CFHR5: variants seen among roughly 807,000 people sequenced by gnomAD.
CFHR5 encodes the protein complement factor H-related protein 5.
CFHR5 carries 73 observed loss-of-function variants against 62.9 expected under a neutral mutation model. That is an observed-to-expected ratio of 1.16 (90% CI 0.96 to 1.41). The LOEUF (loss-of-function observed/expected upper bound fraction) is 1.41. Among genes scored for constraint, CFHR5 ranks in the 40% most tolerant of loss-of-function variants. The pLI, the probability that CFHR5 is intolerant of heterozygous loss-of-function variation, is 0.00. For synonymous variants in CFHR5, 249 were observed against 227.2 expected, an observed-to-expected ratio of 1.10 and a Z score of -0.86; for missense variants, 779 against 679.9, an observed-to-expected ratio of 1.15 and a Z score of -1.62.
chr1:196,994,120 T>A lies in CFHR5; in HGVS notation c.471T>A (p.Asp157Glu), dbSNP rs1181240256. The A allele has an allele frequency of 1.2e-6, 2 of 1,613,336 alleles. No individual in the cohort carries two copies. The highest frequency in any genetic ancestry group is 2.7e-5 in the African/African-American group (2 of 74,854). Residue 157 changes from aspartate (D) to glutamate (E), a missense_variant, in exon 4 of 10, where the codon GAT (aspartate) becomes GAA (glutamate). Physicochemically the swap from Asp to Glu is conservative, Grantham distance 45 (BLOSUM62 2). Transcript: ENST00000256785. ...TTCCAATTTTAGAAGCCAATGTAGA[T>A]GCTCAGCCAAAAAAAGAAAGCTACA... ...CHVPILEANVDAQPKKESYKV... is the reference protein window; with the variant it reads ...CHVPILEANVEAQPKKESYKV...
chr1:196,975,918 C>A (rs1199346569), upstream of CFHR5, among the ~76,000 whole-genome samples: 1 of 151,940 alleles, frequency 6.6e-6, no homozygotes, highest in African/African-American at 2.4e-5. Context: ...AAGGGACTGA[C>A]TGACAGTGAT....
intron 7 of CFHR5, among the ~76,000 whole-genome samples, chr1:196,999,066 G>A (rs1347008813): frequency 6.6e-6 from 1 of 151,830 alleles, no homozygotes; most frequent in Non-Finnish European, 1.5e-5. Flanking sequence ...AGGAAGGATA[G>A]GAGTTTACAC....
intron 9 of CFHR5, among the ~76,000 whole-genome samples, chr1:197,005,581 C>A (rs945817970): frequency 6.6e-6 from 1 of 151,976 alleles, no homozygotes; most frequent in Non-Finnish European, 1.5e-5. Context: ...AGATATGGGG[C>A]GAATTAATAA....
In CFHR5 at chr1:196,998,298, T is replaced by C. The variant is rs777962172; in HGVS notation, c.1141T>C (p.Cys381Arg). 5.6e-6 allele frequency: 9 copies of C among 1,610,340 alleles called. No individual in the cohort carries two copies. The South Asian group carries it at 9.9e-5, about 18-fold the overall frequency. ...CGGGAAATGGAATCCTGAAGTAGACTGCACAGGTAAGATTTGTTTAAAACA... is the reference window on the plus strand; with the variant it reads ...CGGGAAATGGAATCCTGAAGTAGACCGCACAGGTAAGATTTGTTTAAAACA... Reference protein sequence around the residue: ...INGKWNPEVDCTEKREQFCPP... With the variant: ...INGKWNPEVDRTEKREQFCPP... Residue 381 changes from cysteine to arginine, a missense_variant, in exon 7 of 10, where the codon TGC (cysteine) becomes CGC (arginine). Coordinates refer to ENST00000256785, the MANE Select transcript of CFHR5 (RefSeq NM_030787.4).
Position 196,978,829 on chromosome 1 carries a change from G to A in CFHR5, c.58+1107G>A, listed in dbSNP as rs553140547. On this transcript the variant is annotated intron_variant, in intron 1 of 9. Coordinates refer to ENST00000256785, the MANE Select transcript of CFHR5 (RefSeq NM_030787.4). ...ATTACACAAGGATTTCTAAAGGGGG[G>A]TGGAAGCAGAGGAAGATAAGTGAAA... Among the ~76,000 whole-genome samples the A allele has an allele frequency of 2.0e-5, 3 of 152,240 alleles. No individual in the cohort carries two copies. The East Asian group carries it at 5.8e-4, about 29-fold the overall frequency.
chr1:196,999,716 T>TAC (rs1654086841), intron 7 of CFHR5, among the ~76,000 whole-genome samples: 2 of 49,276 alleles, frequency 4.1e-5, no homozygotes, highest in African/African-American at 9.7e-5. Context: ...TATATATATA[T>TAC]ATATATACAC....
chr1:196,984,112 C>T lies in CFHR5; in HGVS notation c.405C>T (p.Ser135=). Residue 135 remains serine (S), a synonymous_variant, in exon 3 of 10, where the codon TCC becomes TCT. Coordinates refer to ENST00000256785, the MANE Select transcript of CFHR5 (RefSeq NM_030787.4). ...TTTCGTGTGTAGAACGGGGCTGGTC[C>T]ACTCCTCCCATATGCAGCTTCACTA... The part of the protein sequence containing the change: ...KNISCVERGW[S]TPPICSFTKG... 1.2e-6 allele frequency: 2 copies of T among 1,613,474 alleles called. No homozygotes were observed. The highest frequency in any genetic ancestry group is 1.7e-6 in the Non-Finnish European group (2 of 1,179,688).
At position 196,984,107 on chromosome 1, in the gene CFHR5, T is replaced by C. The variant is rs1653618811; in HGVS notation, c.400T>C (p.Trp134Arg). The C allele has an allele frequency of 1.2e-6, 2 of 1,612,396 alleles. No individual in the cohort carries two copies. The highest frequency in any genetic ancestry group is 2.7e-5 in the African/African-American group (2 of 74,468). Residue 134 changes from tryptophan (W) to arginine (R), a missense_variant, in exon 3 of 10, where the codon TGG becomes CGG. By Grantham distance (101) the Trp-to-Arg change is moderately radical. Coordinates refer to ENST00000256785, the MANE Select transcript of CFHR5 (RefSeq NM_030787.4). ...EKNISCVERG[W>R]STPPICSFTK... Reference sequence around the variant, plus strand: ...AAACATTTCGTGTGTAGAACGGGGCTGGTCCACTCCTCCCATATGCAGCTT... The same window carrying C: ...AAACATTTCGTGTGTAGAACGGGGCCGGTCCACTCCTCCCATATGCAGCTT...
At chr1:196,995,922 A>G (rs953461463) in intron 5 of CFHR5, 23 bp downstream of exon 5, 2 of 1,602,926 alleles carry the variant, frequency 1.2e-6, no homozygotes, top group Non-Finnish European at 8.5e-7. Context: ...TAACATTTAA[A>G]CAGGACAGTT....
At chr1:196,976,799 C>CTTTTTTTTTTTTTTTTTTTTTTTT (rs10588279), upstream of CFHR5, among the ~76,000 whole-genome samples, 3 of 98,156 alleles carry the variant, frequency 3.1e-5, no homozygotes, top group African/African-American at 1.4e-4. Flanking sequence ...AAAAATTATT[C>CTTTTTTTTTTTTTTTTTTTTTTTT]TTTTTTTTTT....
chr1:196,983,170 G>T, intron 2 of CFHR5, 91 bp downstream of exon 2: 3 of 1,558,352 alleles, frequency 1.9e-6, no homozygotes, highest in Non-Finnish European at 2.6e-6. Context: ...ATAATCACAA[G>T]GGCAATGACC....
At chr1:196,995,953 T>C (rs1653979759) in intron 5 of CFHR5, 54 bp downstream of exon 5, 2 of 1,593,580 alleles carry the variant, frequency 1.3e-6, no homozygotes, top group African/African-American at 2.7e-5. Context: ...TGCACTTATA[T>C]ATAAATACAC....
At chr1:196,978,237 A>G (rs529964298) in intron 1 of CFHR5, among the ~76,000 whole-genome samples, 4 of 152,146 alleles carry the variant, frequency 2.6e-5, no homozygotes, top group Non-Finnish European at 5.9e-5. Context: ...TTATTTTTAT[A>G]TATAAACCAG....
chr1:196,999,938 C>G (rs1174019515), intron 7 of CFHR5, among the ~76,000 whole-genome samples: 1 of 150,626 alleles, frequency 6.6e-6, no homozygotes, highest in Non-Finnish European at 1.5e-5. Context: ...GAAATAGAAC[C>G]TTGTATTTCC....
intron 9 of CFHR5, among the ~76,000 whole-genome samples, chr1:197,006,816 G>T (rs1654300716): frequency 6.6e-6 from 1 of 151,898 alleles, no homozygotes; most frequent in Admixed American, 6.6e-5. Flanking sequence ...TTTAATAGCA[G>T]TTTTTTGACA....
intron 3 of CFHR5, among the ~76,000 whole-genome samples, chr1:196,992,254 C>CTG (rs1653865869): frequency 6.6e-6 from 1 of 152,132 alleles, no homozygotes; most frequent in East Asian, 1.9e-4. Context: ...ACTAAGACCA[C>CTG]TGGAAAAGTG....
intron 9 of CFHR5, among the ~76,000 whole-genome samples, chr1:197,006,648 G>A (rs1264952261): frequency 6.6e-6 from 1 of 150,736 alleles, no homozygotes; most frequent in African/African-American, 2.4e-5. Flanking sequence ...GGAGGTGGAG[G>A]TTGCAGTGAG....
chr1:196,996,974 T>G (rs1320404199), intron 6 of CFHR5, among the ~76,000 whole-genome samples: 1 of 152,014 alleles, frequency 6.6e-6, no homozygotes, highest in Admixed American at 6.6e-5. Flanking sequence ...TACTTGCAGG[T>G]ATTTTTTTTC....
At position 196,977,649 on chromosome 1, in the gene CFHR5, A is replaced by T. The variant is rs1653430394; in HGVS notation, c.-16A>T. The stretch of plus-strand genomic sequence containing the variant: ...ACTGGAGTATTTTTAGTTATATACG[A>T]TTGAGACTACCAAGCATGTTGCTCT... On this transcript the variant is annotated 5_prime_UTR_variant, in exon 1 of 10. Transcript: ENST00000256785. The T allele has an allele frequency of 6.2e-7, 1 of 1,604,674 alleles. No homozygotes were observed. Among genetic ancestry groups the T allele is most frequent in the Non-Finnish European group, 8.5e-7 (1 of 1,171,640 alleles).
Sources: gnomAD v4.1 joint callset for allele counts (sites outside exome capture counted in the v4.1 genomes callset) on GRCh38, gnomAD v4.1.1 for gene constraint, MANE v1.5 for transcripts, NCBI Gene and HGNC (gene_info 2026-07-23, HGNC 2026-07-21) for gene names.